ARHGAP10: variants seen among roughly 807,000 people sequenced by gnomAD.
ARHGAP10 encodes the protein rho GTPase-activating protein 10.
A neutral mutation model predicts 108.6 loss-of-function variants in ARHGAP10; 87 were observed. The observed-to-expected ratio is 0.80, with a 90% CI of 0.67 to 0.96. The LOEUF (loss-of-function observed/expected upper bound fraction) is 0.96. Ranked by LOEUF, ARHGAP10 falls within the 40% of genes least tolerant of loss-of-function variation. ARHGAP10 has a pLI of 0.00. For synonymous variants in ARHGAP10, 347 were observed against 341.1 expected (o/e 1.02, Z -0.19); for missense variants, 939 against 954.5 (o/e 0.98, Z 0.21).
At chr4:147,733,886 G>A (rs1211034670) in intron 1 of ARHGAP10, among the ~76,000 whole-genome samples, 1 of 151,880 alleles carries the variant, frequency 6.6e-6, no homozygotes, top group African/African-American at 2.4e-5. Flanking sequence ...TTTTTGTTTT[G>A]TTTTTAAGTC....
chr4:147,905,268 T>G (rs917783526), intron 10 of ARHGAP10, among the ~76,000 whole-genome samples: 40 of 150,468 alleles, frequency 2.7e-4, no homozygotes, highest in South Asian at 8.4e-4. Flanking sequence ...TGGCTTTTGT[T>G]GCCATTGCTT....
intron 13 of ARHGAP10, among the ~76,000 whole-genome samples, chr4:147,926,139 C>T (rs1737451862): frequency 6.6e-6 from 1 of 152,088 alleles, no homozygotes. Flanking sequence ...TGGCAGATCC[C>T]AGGTGCTGTG....
At chr4:147,734,264 T>C (rs893791145) in intron 1 of ARHGAP10, among the ~76,000 whole-genome samples, 1 of 152,138 alleles carries the variant, frequency 6.6e-6, no homozygotes, top group Admixed American at 6.6e-5. Context: ...GCATATTAGC[T>C]TTCCTGCCAT....
At chr4:148,061,853 T>C (rs1224240924) in intron 20 of ARHGAP10, among the ~76,000 whole-genome samples, 1 of 152,176 alleles carries the variant, frequency 6.6e-6, no homozygotes, top group African/African-American at 2.4e-5. Flanking sequence ...GAGAAATACT[T>C]GAAGGCATCA....
chr4:148,050,982 T>TCC (rs1729110996), intron 20 of ARHGAP10, among the ~76,000 whole-genome samples: 1 of 151,982 alleles, frequency 6.6e-6, no homozygotes, highest in Admixed American at 6.6e-5. Flanking sequence ...AGGAATGGAG[T>TCC]CCAAATGTAT....
At chr4:147,737,607 A>G (rs1018515430) in intron 1 of ARHGAP10, among the ~76,000 whole-genome samples, 1 of 152,232 alleles carries the variant, frequency 6.6e-6, no homozygotes, top group African/African-American at 2.4e-5. Flanking sequence ...AGGAATACTC[A>G]TCTACACTCT....
chr4:147,760,741 G>C (rs1487497654), intron 1 of ARHGAP10, among the ~76,000 whole-genome samples: 1 of 151,964 alleles, frequency 6.6e-6, no homozygotes. Context: ...CTTCTTTTAG[G>C]CTCATTCAGG....
chr4:148,054,445 C>G (rs1354797991), intron 20 of ARHGAP10, among the ~76,000 whole-genome samples: 5 of 152,232 alleles, frequency 3.3e-5, no homozygotes, highest in African/African-American at 4.8e-5. Flanking sequence ...GAGCTCGAGG[C>G]AGCCACCTGC....
chr4:148,013,682 C>T (rs1741248031), intron 18 of ARHGAP10, among the ~76,000 whole-genome samples: 1 of 151,770 alleles, frequency 6.6e-6, no homozygotes, highest in South Asian at 2.1e-4. Context: ...AGCGAGACTC[C>T]ATCTCAAAAA....
At chr4:147,867,273 C>A (rs1734604575) in intron 7 of ARHGAP10, among the ~76,000 whole-genome samples, 1 of 152,034 alleles carries the variant, frequency 6.6e-6, no homozygotes, top group Non-Finnish European at 1.5e-5. Flanking sequence ...GAATATTTTC[C>A]TTTGGAAAAT....
intron 15 of ARHGAP10, among the ~76,000 whole-genome samples, chr4:147,948,858 C>G (rs1407663789): frequency 6.7e-6 from 1 of 150,200 alleles, no homozygotes; most frequent in African/African-American, 2.4e-5. Context: ...CGCAGCTACT[C>G]GGGAGGCTGA....
chr4:148,070,268 GA>G (rs767800526), intron 22 of ARHGAP10, among the ~76,000 whole-genome samples: 12 of 152,220 alleles, frequency 7.9e-5, no homozygotes, highest in Non-Finnish European at 1.5e-4. Flanking sequence ...GAAGTGGGGG[GA>G]TGCTGAAGCT....
intron 7 of ARHGAP10, among the ~76,000 whole-genome samples, chr4:147,872,991 G>A (rs1425722918): frequency 6.6e-6 from 1 of 152,082 alleles, no homozygotes; most frequent in East Asian, 1.9e-4. Flanking sequence ...TAGATGGGGA[G>A]GAAAATCCAT....
intron 1 of ARHGAP10, among the ~76,000 whole-genome samples, chr4:147,764,175 A>G (rs1729701127): frequency 6.6e-6 from 1 of 152,144 alleles, no homozygotes; most frequent in African/African-American, 2.4e-5. Flanking sequence ...GCTTGTGAGA[A>G]AGCTGGGTGG....
intron 19 of ARHGAP10, among the ~76,000 whole-genome samples, chr4:148,024,826 C>T (rs1741705925): frequency 6.6e-6 from 1 of 152,160 alleles, no homozygotes; most frequent in African/African-American, 2.4e-5. Flanking sequence ...TTACACCTCA[C>T]TTGTCCTCTG....
chr4:147,900,654 A>C (rs74706893), intron 10 of ARHGAP10, among the ~76,000 whole-genome samples: 2,837 of 152,230 alleles, frequency 0.019, 89 homozygotes, highest in African/African-American at 0.065. Context: ...AACCAGTAGA[A>C]TGCATTGCAG....
In ARHGAP10 at chr4:147,860,527, G is replaced by A. The variant is rs1734273171; in HGVS notation, c.486+2873G>A. Among the ~76,000 whole-genome samples the A allele has an allele frequency of 2.6e-5, 4 of 152,264 alleles. No individual in the cohort carries two copies. The South Asian group carries it at 8.3e-4, about 32-fold the overall frequency. The stretch of plus-strand genomic sequence containing the variant: ...CTGGCTATTTTGGCAGTTCTCTGAG[G>A]CCTTGCTGCTATACCTCTATGTTTA... On this transcript the variant is annotated intron_variant, in intron 5 of 22. Coordinates refer to ENST00000336498, the MANE Select transcript of ARHGAP10 (RefSeq NM_024605.4).
At chr4:147,829,342 C>T (rs755067247) in intron 3 of ARHGAP10, among the ~76,000 whole-genome samples, 6 of 151,942 alleles carry the variant, frequency 3.9e-5, no homozygotes, top group Non-Finnish European at 5.9e-5. Context: ...TGTGAGCCAC[C>T]GCGCCCAGCC....
At chr4:148,037,578 T>C (rs996981139) in intron 19 of ARHGAP10, among the ~76,000 whole-genome samples, 5 of 152,166 alleles carry the variant, frequency 3.3e-5, no homozygotes, top group Non-Finnish European at 7.4e-5. Flanking sequence ...CTCACACCTG[T>C]AATCCCAACC....
Sources: gnomAD v4.1 joint callset for allele counts (sites outside exome capture counted in the v4.1 genomes callset) on GRCh38, gnomAD v4.1.1 for gene constraint, MANE v1.5 for transcripts, NCBI Gene and HGNC (gene_info 2026-07-23, HGNC 2026-07-21) for gene names.